The following TRAPPC6A variants were observed in gnomAD, a reference collection of about 807,000 sequenced individuals.
The protein encoded by TRAPPC6A is trafficking protein particle complex subunit 6A, also known as TRAPP complex subunit 6A.
Under a neutral mutation model 20.8 loss-of-function variants are expected in TRAPPC6A, and 25 were observed. The observed-to-expected ratio is 1.20, with a 90% CI of 0.88 to 1.68. The LOEUF (loss-of-function observed/expected upper bound fraction) is 1.68, where lower values mean the gene tolerates loss of function less well. Ranked by LOEUF, TRAPPC6A falls within the 40% of genes most tolerant of loss-of-function variation. The pLI is 0.00. For missense variants in TRAPPC6A, 215 were observed against 211.6 expected (o/e 1.02, Z -0.10); for synonymous variants, 96 against 93.3 (o/e 1.03, Z -0.16).
At position 45,165,329 on chromosome 19, in the gene TRAPPC6A, T is replaced by C. The variant is rs148519151; in HGVS notation, c.85-135A>G. The C allele has an allele frequency of 8.7e-4, 743 of 850,150 alleles. 5 individuals carry two copies. In the African/African-American group the frequency reaches 0.01, roughly 12 times the overall value. The allele number at this position is 850,150 out of a possible 1,614,324, so 52.7% of individuals were successfully genotyped here. On this transcript the variant is annotated intron_variant, in intron 1 of 5. Transcript: ENST00000585934. The stretch of plus-strand genomic sequence containing the variant: ...AGTTCAGGGGTGAGCAGGGAGGGGC[T>C]CTGGCACAGCCCGGCCAGGGCAGGG...
intron 1 of TRAPPC6A, among the ~76,000 whole-genome samples, chr19:45,169,521 G>A (rs1336989125): frequency 6.6e-6 from 1 of 152,240 alleles, no homozygotes; most frequent in Non-Finnish European, 1.5e-5. Context: ...GTAAGGGTTG[G>A]TAAAGGCAAC....
intron 1 of TRAPPC6A, among the ~76,000 whole-genome samples, chr19:45,165,682 T>C (rs1969137261): frequency 6.6e-6 from 1 of 152,046 alleles, no homozygotes; most frequent in African/African-American, 2.4e-5. Flanking sequence ...TGCCTTATAA[T>C]ATTGGCCAAG....
intron 3 of TRAPPC6A, 51 bp from the exon 4 acceptor site, chr19:45,164,298 G>T: frequency 7.8e-7 from 1 of 1,282,420 alleles, no homozygotes; most frequent in Non-Finnish European, 1.1e-6. Flanking sequence ...TACATTTGAA[G>T]CGCAGGGAGG....
At chr19:45,165,273 G>A in intron 1 of TRAPPC6A, 79 bp from the exon 2 acceptor site, 1 of 1,407,536 alleles carries the variant, frequency 7.1e-7, no homozygotes, top group Non-Finnish European at 9.8e-7. Flanking sequence ...ACCTGCCAGG[G>A]GACCCAAAGA....
chr19:45,168,986 C>T (rs994361609), intron 1 of TRAPPC6A, among the ~76,000 whole-genome samples: 4 of 152,200 alleles, frequency 2.6e-5, no homozygotes, highest in African/African-American at 7.2e-5. Flanking sequence ...TGGGTGACAA[C>T]GACACGGCTT....
chr19:45,164,130 G>T, intron 4 of TRAPPC6A, 34 bp downstream of exon 4: 1 of 1,574,692 alleles, frequency 6.4e-7, no homozygotes, highest in Non-Finnish European at 8.6e-7. Flanking sequence ...CAGGAGGAAG[G>T]GAGGTGTGGA....
At chr19:45,174,419 G>A (rs564884442) in intron 1 of TRAPPC6A, among the ~76,000 whole-genome samples, 3 of 152,196 alleles carry the variant, frequency 2.0e-5, no homozygotes, top group South Asian at 4.1e-4. Context: ...GACCCACTAC[G>A]AGCCAGGACA....
At chr19:45,165,548 C>A (rs980547522) in intron 1 of TRAPPC6A, among the ~76,000 whole-genome samples, 5 of 152,338 alleles carry the variant, frequency 3.3e-5, no homozygotes, top group Non-Finnish European at 5.9e-5. Context: ...GCTTTCAGCG[C>A]GAACCCTCAC....
chr19:45,164,337 G>T, intron 3 of TRAPPC6A, 90 bp from the exon 4 acceptor site: 2 of 875,404 alleles, frequency 2.3e-6, no homozygotes, highest in South Asian at 1.7e-5. Flanking sequence ...CTTAGATTGG[G>T]CTGAGGTTGG....
chr19:45,167,288 CAT>C (rs1969176568), intron 1 of TRAPPC6A, among the ~76,000 whole-genome samples: 1 of 152,194 alleles, frequency 6.6e-6, no homozygotes, highest in African/African-American at 2.4e-5. Flanking sequence ...AGCAAAATGA[CAT>C]ATGATGAAAC....
At chr19:45,171,320 A>T (rs917800764) in intron 1 of TRAPPC6A, among the ~76,000 whole-genome samples, 6 of 152,084 alleles carry the variant, frequency 3.9e-5, no homozygotes, top group South Asian at 2.1e-4. Flanking sequence ...ACAAAACAAA[A>T]CAAAACAAAA....
At chr19:45,170,066 G>A (rs1377030619) in intron 1 of TRAPPC6A, among the ~76,000 whole-genome samples, 1 of 152,196 alleles carries the variant, frequency 6.6e-6, no homozygotes, top group Non-Finnish European at 1.5e-5. Flanking sequence ...TGCCCTCCAG[G>A]AGGGGGCCGG....
intron 1 of TRAPPC6A, among the ~76,000 whole-genome samples, chr19:45,170,804 G>A (rs986455958): frequency 6.6e-6 from 1 of 152,232 alleles, no homozygotes; most frequent in Non-Finnish European, 1.5e-5. Context: ...GCCCTGGACA[G>A]GGGCCATTCA....
chr19:45,171,227 G>A lies in TRAPPC6A; in HGVS notation c.85-6033C>T, dbSNP rs1747755669. ...TGAGCCACCAGGATCGCTTGAACCC[G>A]GGAGGCAGAGGTTTCAGTGAGCTGA... On this transcript the variant is annotated intron_variant, in intron 1 of 5. Coordinates refer to ENST00000585934, the MANE Select transcript of TRAPPC6A (RefSeq NM_001270891.2). Among the ~76,000 whole-genome samples, 5 of 152,250 alleles carry A rather than the reference G, an allele frequency of 3.3e-5. 1 individual carries two copies. The Middle Eastern group carries it at 0.01, about 311-fold the overall frequency.
rs1969079770 is a variant in TRAPPC6A, at chr19:45,164,022, C to A, written c.355-13G>T. On this transcript the variant is annotated splice_polypyrimidine_tract_variant and intron_variant, in intron 4 of 5. Coordinates refer to ENST00000585934, the MANE Select transcript of TRAPPC6A (RefSeq NM_001270891.2). ...TGAAGGCCAGGAACTGAGGAGGGAA[C>A]ACAGACCAGCATGGGAAGAGAGGGG... 1 of 1,565,304 alleles carries A rather than the reference C, an allele frequency of 6.4e-7. No homozygotes were observed. The highest frequency in any genetic ancestry group is 1.3e-5 in the African/African-American group (1 of 74,116).
At position 45,164,983 on chromosome 19, in the gene TRAPPC6A, T is replaced by A; in HGVS notation, c.153-13A>T. ...CTCCCGGGGCAGCCTGGTGGGGCAGTACCAAGCTGAGGCCGTGGGGCCAGG... is the reference window on the plus strand; with the variant it reads ...CTCCCGGGGCAGCCTGGTGGGGCAGAACCAAGCTGAGGCCGTGGGGCCAGG... On this transcript the variant is annotated splice_polypyrimidine_tract_variant and intron_variant, in intron 2 of 5. Coordinates refer to ENST00000585934, the MANE Select transcript of TRAPPC6A (RefSeq NM_001270891.2). The A allele has an allele frequency of 6.2e-7, 1 of 1,613,220 alleles. No homozygotes were observed. The highest frequency in any genetic ancestry group is 8.5e-7 in the Non-Finnish European group (1 of 1,179,260).
Position 45,172,883 on chromosome 19 carries a change from T to C in TRAPPC6A, c.84+5252A>G, listed in dbSNP as rs114758345. ...GTTTAAACCCGGCTATGGCTCCCAC[T>C]GCCTTCGGGATGGAGCCCCAGTTCC... On this transcript the variant is annotated intron_variant, in intron 1 of 5. Coordinates refer to ENST00000585934, the MANE Select transcript of TRAPPC6A (RefSeq NM_001270891.2). This position sits in a 1 kb window ranked among gnomAD's most constrained non-coding sequence, Gnocchi z 4.2. Among the ~76,000 whole-genome samples, 1,929 of 151,802 alleles carry C rather than the reference T, an allele frequency of 0.013. 120 individuals carry two copies. The highest frequency in any genetic ancestry group is 0.044 in the African/African-American group (1,789 of 41,084).
rs530831099 is a variant in TRAPPC6A at position 45,164,765 on chromosome 19, C to T, written c.270+88G>A. 2.0e-4 allele frequency: 261 copies of T among 1,281,572 alleles called. No homozygotes were observed. The African/African-American group carries it at 3.4e-3, about 17-fold the overall frequency. 79.4% of individuals were successfully genotyped at this position (1,281,572 alleles called of 1,614,324 possible). On this transcript the variant is annotated intron_variant, in intron 3 of 5. Coordinates refer to ENST00000585934, the MANE Select transcript of TRAPPC6A (RefSeq NM_001270891.2). ...AAAGCTCTGGGCGGGTCCCGGCAGC[C>T]GCTGCTCTGGCGCCGGGGGATTCCC...
chr19:45,164,190 G>C lies in TRAPPC6A; in HGVS notation c.328C>G (p.Leu110Val). 6.2e-7 allele frequency: 1 copy of C among 1,610,316 alleles called. No individual in the cohort carries two copies. The highest frequency in any genetic ancestry group is 8.5e-7 in the Non-Finnish European group (1 of 1,178,372). The change falls in exon 4 of 6, where the codon CTG (leucine) becomes GTG (valine). Residue 110 changes from leucine (L) to valine (V), a missense_variant. Coordinates refer to ENST00000585934, the MANE Select transcript of TRAPPC6A (RefSeq NM_001270891.2). ...FPLLLPMASG[L>V]QYLEEAPKFL... ...TTGGGTGCTTCCTCCAGATACTGCA[G>C]GCCAGAGGCCATCGGGAGGAGGAGG...
Sources: allele counts gnomAD v4.1 joint callset (sites outside exome capture counted in the v4.1 genomes callset), GRCh38; gene constraint gnomAD v4.1.1; non-coding constraint Gnocchi (gnomAD v3.1); transcripts MANE v1.5; gene names NCBI Gene and HGNC (gene_info 2026-07-23, HGNC 2026-07-21).